Variants in LHCGR observed in about 807,000 individuals in gnomAD.
LHCGR encodes luteinizing hormone/choriogonadotropin receptor.
A neutral mutation model predicts 60.7 loss-of-function variants in LHCGR; 55 were observed. That is an observed-to-expected ratio of 0.91 (90% CI 0.73 to 1.13). The LOEUF (loss-of-function observed/expected upper bound fraction) is 1.13. LHCGR is among the 50% of genes most tolerant of loss of function. The pLI, the probability that LHCGR is intolerant of heterozygous loss-of-function variation, is 0.00. For synonymous variants in LHCGR, 337 were observed against 316.5 expected (o/e 1.06, Z -0.69); for missense variants, 862 against 836.0 (o/e 1.03, Z -0.38).
chr2:48,714,090 A>G (rs756841712), intron 6 of LHCGR, 36 bp from the exon 7 acceptor site: 1 of 1,430,174 alleles, frequency 7.0e-7, no homozygotes, highest in Non-Finnish European at 9.9e-7. Flanking sequence ...GAATGGGAAG[A>G]AACTGAAAGA....
At chr2:48,747,488 A>G (rs1437810594) in intron 1 of LHCGR, among the ~76,000 whole-genome samples, 2 of 152,220 alleles carry the variant, frequency 1.3e-5, no homozygotes, top group South Asian at 2.1e-4. Flanking sequence ...GCCTGTATCA[A>G]AAATGCGCCC....
chr2:48,711,372 A>C (rs1483852423), intron 7 of LHCGR, among the ~76,000 whole-genome samples: 1 of 152,130 alleles, frequency 6.6e-6, no homozygotes, highest in East Asian at 1.9e-4. Context: ...TGACCTCTCT[A>C]CCATTGCAGA....
chr2:48,695,289 G>A (rs1366530574), intron 9 of LHCGR, among the ~76,000 whole-genome samples: 1 of 152,064 alleles, frequency 6.6e-6, no homozygotes, highest in Admixed American at 6.5e-5. Context: ...TGGAAGCTCT[G>A]TAGTCTAATT....
rs1253006710 is a variant in LHCGR, at chr2:48,755,225, G to T, written c.161+286C>A. 2.0e-5 allele frequency among the ~76,000 whole-genome samples: 3 copies of T among 151,970 alleles called. No individual in the cohort carries two copies. The East Asian group carries it at 5.9e-4, about 30-fold the overall frequency. The stretch of plus-strand genomic sequence containing the variant: ...CCCATATTCCCTTCAAGCAGCGGCA[G>T]AGAGCAGGCCTTCCCCTGAGGTTCC... On this transcript the variant is annotated intron_variant, in intron 1 of 10. Coordinates refer to ENST00000294954, the MANE Select transcript of LHCGR (RefSeq NM_000233.4).
In LHCGR at chr2:48,724,097, G is replaced by T. The variant is rs865915854; in HGVS notation, c.384-401C>A. On this transcript the variant is annotated intron_variant, in intron 4 of 10. Transcript: ENST00000294954. ...AAAGCATCCTTAAATTTTGGAGCAG[G>T]TTTTGATTCAAATACTTCAAGAAAA... Among the ~76,000 whole-genome samples the T allele has an allele frequency of 5.3e-5, 8 of 152,134 alleles. No homozygotes were observed. In the East Asian group the frequency reaches 5.8e-4, roughly 11 times the overall value.
chr2:48,754,985 C>G (rs756540368), intron 1 of LHCGR, among the ~76,000 whole-genome samples: 2 of 152,060 alleles, frequency 1.3e-5, no homozygotes, highest in Non-Finnish European at 2.9e-5. Flanking sequence ...GGTGGAGCAG[C>G]GGCTTGTGTG....
In LHCGR at chr2:48,712,405, G is replaced by T. The variant is rs1472839621; in HGVS notation, c.605+1581C>A. On this transcript the variant is annotated intron_variant, in intron 7 of 10. Coordinates refer to ENST00000294954, the MANE Select transcript of LHCGR (RefSeq NM_000233.4). Reference sequence around the variant, plus strand: ...TTTGTAGAGTGAATAATGGAATGAGGCATCTGAGAGAACTGTGCCAGGAGA... The same window carrying T: ...TTTGTAGAGTGAATAATGGAATGAGTCATCTGAGAGAACTGTGCCAGGAGA... 2.6e-5 allele frequency among the ~76,000 whole-genome samples: 4 copies of T among 152,228 alleles called. No individual in the cohort carries two copies. The East Asian group carries it at 7.7e-4, about 29-fold the overall frequency.
intron 1 of LHCGR, among the ~76,000 whole-genome samples, chr2:48,750,846 G>C (rs1669925061): frequency 6.6e-6 from 1 of 152,214 alleles, no homozygotes; most frequent in African/African-American, 2.4e-5. Flanking sequence ...CAAATGTCTA[G>C]AGATACTTTT....
Position 48,697,747 on chromosome 2 carries a change from A to G in LHCGR, c.866+868T>C, listed in dbSNP as rs528351522. On this transcript the variant is annotated intron_variant, in intron 9 of 10. Transcript: ENST00000294954. ...GGCTGCAATAATAACCCTTTAGGGC[A>G]GTGTTGTTCCAACTGTGAGTTGTGT... 1.3e-4 allele frequency among the ~76,000 whole-genome samples: 20 copies of G among 152,302 alleles called. No homozygotes were observed. The East Asian group carries it at 3.5e-3, about 26-fold the overall frequency.
At chr2:48,694,579 C>G (rs1281475042) in intron 9 of LHCGR, among the ~76,000 whole-genome samples, 12 of 152,068 alleles carry the variant, frequency 7.9e-5, no homozygotes. Flanking sequence ...CATATTGAAT[C>G]AAGGATTTTC....
chr2:48,698,812 A>G lies in LHCGR; in HGVS notation c.681-12T>C. On this transcript the variant is annotated splice_polypyrimidine_tract_variant and intron_variant, in intron 8 of 10. Transcript: ENST00000294954. ...TGGAAGAAATATCCCTGAACAATAA[A>G]GGGGAGAAATGCTTTTTATTTATTT... is the stretch of plus-strand genomic sequence containing the variant. The G allele has an allele frequency of 1.2e-6, 2 of 1,605,978 alleles. No individual in the cohort carries two copies. The highest frequency in any genetic ancestry group is 1.7e-6 in the Non-Finnish European group (2 of 1,173,380).
chr2:48,694,343 G>T, intron 9 of LHCGR, 39 bp from the exon 10 acceptor site: 1 of 1,305,376 alleles, frequency 7.7e-7, no homozygotes, highest in Non-Finnish European at 1.1e-6. Flanking sequence ...TTGAGCTTTT[G>T]GACTTCAGGC....
intron 1 of LHCGR, among the ~76,000 whole-genome samples, chr2:48,738,742 T>C (rs1164582811): frequency 2.0e-5 from 3 of 152,206 alleles, no homozygotes; most frequent in Non-Finnish European, 4.4e-5. Flanking sequence ...GCATACCAGG[T>C]TTTGAAGACT....
chr2:48,698,617 T>C lies in LHCGR; in HGVS notation c.864A>G (p.Lys288=). The C allele has an allele frequency of 6.2e-7, 1 of 1,613,872 alleles. No individual in the cohort carries two copies. The highest frequency in any genetic ancestry group is 1.3e-5 in the African/African-American group (1 of 75,038). Residue 288 remains lysine, a splice_region_variant and synonymous_variant, in exon 9 of 11, where the codon AAA becomes AAG. Transcript: ENST00000294954. ...TTTACCTTTTGGTTTCTACTTACTCTTTTGTTGGCAAGTTTCTAAAAGCAC... is the reference window on the plus strand; with the variant it reads ...TTTACCTTTTGGTTTCTACTTACTCCTTTGTTGGCAAGTTTCTAAAAGCAC... ...HCCAFRNLPT[K]EQNFSHSISE...
chr2:48,691,429 C>G (rs1032832635), intron 10 of LHCGR, among the ~76,000 whole-genome samples: 2 of 152,288 alleles, frequency 1.3e-5, no homozygotes, highest in African/African-American at 4.8e-5. Context: ...ATTGTTATAA[C>G]CAGCACATTT....
intron 10 of LHCGR, among the ~76,000 whole-genome samples, chr2:48,691,769 T>C (rs2204305): frequency 0.89 from 133,525 of 150,864 alleles, 59,259 homozygotes; most frequent in East Asian, 1. Context: ...TCGCTTGAAC[T>C]CGGGAGGTGG....
intron 10 of LHCGR, among the ~76,000 whole-genome samples, chr2:48,689,147 A>G (rs1409002361): frequency 6.6e-6 from 1 of 150,786 alleles, no homozygotes; most frequent in Non-Finnish European, 1.5e-5. Flanking sequence ...ATGTACACAC[A>G]TATACATATA....
At position 48,695,929 on chromosome 2, in the gene LHCGR, A is replaced by G. The variant is rs923114252; in HGVS notation, c.867-1625T>C. Among the ~76,000 whole-genome samples the G allele has an allele frequency of 2.6e-5, 4 of 152,152 alleles. No homozygotes were observed. In the East Asian group the frequency reaches 7.7e-4, roughly 29 times the overall value. ...GGGAGGCATGGGTTGAAAACTATCT[A>G]TCGAGTATTATGCTCACTTCCTGGA... On this transcript the variant is annotated intron_variant, in intron 9 of 10. Transcript: ENST00000294954.
intron 6 of LHCGR, among the ~76,000 whole-genome samples, chr2:48,718,193 C>T (rs535710622): frequency 4.6e-5 from 7 of 152,060 alleles, no homozygotes; most frequent in Admixed American, 1.3e-4. Flanking sequence ...GAAGATTTTT[C>T]GCCTCCCCCA....
Sources: gnomAD v4.1 joint callset for allele counts (sites outside exome capture counted in the v4.1 genomes callset) on GRCh38, gnomAD v4.1.1 for gene constraint, MANE v1.5 for transcripts, NCBI Gene and HGNC (gene_info 2026-07-23, HGNC 2026-07-21) for gene names.